Variants in PNLIPRP3 observed in about 807,000 individuals in gnomAD.
PNLIPRP3 encodes pancreatic lipase-related protein 3.
PNLIPRP3 carries 58 observed loss-of-function variants against 52.8 expected under a neutral mutation model. The ratio of observed to expected loss-of-function variants is 1.10; its 90% CI spans 0.89 to 1.37. The LOEUF is 1.37. PNLIPRP3 is among the 40% of genes most tolerant of loss of function. The probability of loss-of-function intolerance (pLI) is 0.00; values close to 1 mark genes in which losing one functional copy is unlikely to be tolerated. For missense variants in PNLIPRP3, 593 were observed against 561.6 expected, an observed-to-expected ratio of 1.06 and a Z score of -0.57; for synonymous variants, 192 against 185.0, an observed-to-expected ratio of 1.04 and a Z score of -0.31.
At chr10:116,439,160 T>C (rs1433179691) in intron 2 of PNLIPRP3, among the ~76,000 whole-genome samples, 1 of 152,212 alleles carries the variant, frequency 6.6e-6, no homozygotes. Context: ...CACTTTAAAA[T>C]GGTTAAAATG....
Position 116,443,119 on chromosome 10 carries a change from G to A in PNLIPRP3, c.269G>A (p.Arg90His), listed in dbSNP as rs570400848. The A allele has an allele frequency of 2.5e-5, 40 of 1,611,646 alleles. No individual in the cohort carries two copies. In the African/African-American group the frequency reaches 3.9e-4, roughly 16 times the overall value. The part of the protein sequence containing the change: ...ASYFGTDKIT[R>H]INIAGWKTDG... ...TATTTTGGAACAGACAAGATCACCCGTATCAACATAGCTGGATGGAAAACA... is the reference window on the plus strand; with the variant it reads ...TATTTTGGAACAGACAAGATCACCCATATCAACATAGCTGGATGGAAAACA... Residue 90 changes from arginine to histidine, a missense_variant, in exon 3 of 12, where the codon CGT becomes CAT. By Grantham distance (29) the Arg-to-His change is conservative. Coordinates refer to ENST00000369230, the MANE Select transcript of PNLIPRP3 (RefSeq NM_001011709.3).
At chr10:116,435,778 CT>C (rs1845765756) in intron 1 of PNLIPRP3, among the ~76,000 whole-genome samples, 1 of 152,144 alleles carries the variant, frequency 6.6e-6, no homozygotes. Flanking sequence ...TAGTTATTTG[CT>C]TTTTGCTATT....
intron 10 of PNLIPRP3, among the ~76,000 whole-genome samples, chr10:116,473,614 C>CG (rs1423359207): frequency 6.6e-6 from 1 of 152,008 alleles, no homozygotes; most frequent in Non-Finnish European, 1.5e-5. Flanking sequence ...TTCCCCTTCC[C>CG]GGGTTCAAGT....
rs936386608 is a variant in PNLIPRP3, at chr10:116,475,081, T to C, written c.1173-1571T>C. ...GGATAAAGAAAATGTGGTACTTATATACCATGGAATACTATGCAGCCATAA... is the reference window on the plus strand; with the variant it reads ...GGATAAAGAAAATGTGGTACTTATACACCATGGAATACTATGCAGCCATAA... On this transcript the variant is annotated intron_variant, in intron 10 of 11. Transcript: ENST00000369230. Among the ~76,000 whole-genome samples, 89 of 152,160 alleles carry C rather than the reference T, an allele frequency of 5.8e-4. 2 individuals are homozygous for C. The highest frequency in any genetic ancestry group is 3.8e-4 in the Non-Finnish European group (26 of 68,036).
At chr10:116,472,804 A>G (rs1228433974) in intron 10 of PNLIPRP3, among the ~76,000 whole-genome samples, 1 of 152,146 alleles carries the variant, frequency 6.6e-6, no homozygotes, top group African/African-American at 2.4e-5. Context: ...GCGAGGCTAC[A>G]CTGTTTGCAC....
intron 3 of PNLIPRP3, among the ~76,000 whole-genome samples, chr10:116,443,618 T>TTATA (rs201595033): frequency 2.1e-4 from 1 of 4,658 alleles, no homozygotes; most frequent in African/African-American, 2.5e-4. Context: ...TATATGTGTT[T>TTATA]TATATATATA....
chr10:116,477,126 T>G lies in PNLIPRP3; in HGVS notation c.1377T>G (p.Asn459Lys). ...GTAGCCAAGACATTATGGGACCTAA[T>G]ATTCTCCAGAACCTGAAACCATGCT... ...TFCSQDIMGP[N>K]ILQNLKPC The change falls in exon 12 of 12, where the codon AAT (asparagine) becomes AAG (lysine). Residue 459 changes from asparagine (N) to lysine (K), a missense_variant. Physicochemically the swap from Asn to Lys is moderately conservative, Grantham distance 94. Coordinates refer to ENST00000369230, the MANE Select transcript of PNLIPRP3 (RefSeq NM_001011709.3). 1 of 1,597,792 alleles carries G rather than the reference T, an allele frequency of 6.3e-7. No individual in the cohort carries two copies. The highest frequency in any genetic ancestry group is 8.6e-7 in the Non-Finnish European group (1 of 1,168,216).
chr10:116,471,170 T>C (rs566734223), intron 9 of PNLIPRP3, among the ~76,000 whole-genome samples: 1 of 152,320 alleles, frequency 6.6e-6, no homozygotes, highest in Non-Finnish European at 1.5e-5. Flanking sequence ...GAATAAAAGA[T>C]CTGTTTAGCT....
intron 11 of PNLIPRP3, 104 bp downstream of exon 11, chr10:116,476,923 AC>A: frequency 7.7e-7 from 1 of 1,307,070 alleles, no homozygotes; most frequent in Non-Finnish European, 1.0e-6. Flanking sequence ...AAATTTATAG[AC>A]TTTGAAATTT....
chr10:116,458,476 G>A (rs1323693763), intron 5 of PNLIPRP3, among the ~76,000 whole-genome samples: 1 of 142,304 alleles, frequency 7.0e-6, no homozygotes, highest in Non-Finnish European at 1.5e-5. Context: ...TAATCTGATT[G>A]CCTTGTCCTC....
chr10:116,462,620 A>G (rs1441795855), intron 7 of PNLIPRP3, among the ~76,000 whole-genome samples: 1 of 152,186 alleles, frequency 6.6e-6, no homozygotes, highest in African/African-American at 2.4e-5. Flanking sequence ...GGTGCAACAA[A>G]TAAGAATTAA....
chr10:116,445,558 T>TAAAA lies in PNLIPRP3; in HGVS notation c.456+1053_456+1056dup, dbSNP rs3032169. ...CAGATTCATCTTCATCTTCTCTTTA[T>TAAAA]AAAAAAAAAAAGCCAGCTGTAAGCT... On this transcript the variant is annotated intron_variant, in intron 4 of 11. Transcript: ENST00000369230. 5.3e-3 allele frequency among the ~76,000 whole-genome samples: 786 copies of TAAAA among 148,832 alleles called. 5 individuals carry two copies. The highest frequency in any genetic ancestry group is 0.018 in the Admixed American group (264 of 15,050).
chr10:116,469,395 CT>C, intron 9 of PNLIPRP3, 78 bp downstream of exon 9: 10 of 1,360,964 alleles, frequency 7.3e-6, no homozygotes, highest in South Asian at 3.1e-5. Flanking sequence ...TATTGAGTGT[CT>C]ACTAAATAAC....
intron 7 of PNLIPRP3, among the ~76,000 whole-genome samples, chr10:116,462,935 A>G (rs1026389891): frequency 6.6e-6 from 1 of 152,212 alleles, no homozygotes; most frequent in African/African-American, 2.4e-5. Context: ...GATGAGTTTT[A>G]AGACTTCAAG....
intron 4 of PNLIPRP3, among the ~76,000 whole-genome samples, chr10:116,451,489 A>T (rs1846036945): frequency 6.6e-6 from 1 of 152,160 alleles, no homozygotes; most frequent in Admixed American, 6.5e-5. Context: ...GTGGTCATCA[A>T]TTTGGAGGTG....
rs1320772739 is a variant in PNLIPRP3 at position 116,473,550 on chromosome 10, C to T, written c.1172+1671C>T. Among the ~76,000 whole-genome samples the T allele has an allele frequency of 3.3e-5, 5 of 151,890 alleles. No homozygotes were observed. The South Asian group carries it at 8.3e-4, about 25-fold the overall frequency. ...TTCTTTCTTTTTTTTGAGTTGGAGT[C>T]TCACTCTGTCACCCAGGCTGGAGTG... On this transcript the variant is annotated intron_variant, in intron 10 of 11. Transcript: ENST00000369230.
intron 9 of PNLIPRP3, among the ~76,000 whole-genome samples, chr10:116,471,399 A>G (rs1846370142): frequency 1.3e-5 from 2 of 152,210 alleles, no homozygotes; most frequent in African/African-American, 4.8e-5. Flanking sequence ...TATGGCAAAT[A>G]AAAACTTGGC....
chr10:116,442,239 C>T (rs1367098060), intron 2 of PNLIPRP3, among the ~76,000 whole-genome samples: 1 of 152,038 alleles, frequency 6.6e-6, no homozygotes, highest in East Asian at 1.9e-4. Flanking sequence ...GTTATTAAGG[C>T]AATCCAACAA....
intron 10 of PNLIPRP3, among the ~76,000 whole-genome samples, chr10:116,476,219 G>C (rs1053043328): frequency 6.6e-6 from 1 of 152,128 alleles, no homozygotes; most frequent in East Asian, 1.9e-4. Context: ...GGGCACGGGA[G>C]CACTCTGGTT....
Sources: gnomAD v4.1 joint callset for allele counts (sites outside exome capture counted in the v4.1 genomes callset) on GRCh38, gnomAD v4.1.1 for gene constraint, MANE v1.5 for transcripts, NCBI Gene and HGNC (gene_info 2026-07-23, HGNC 2026-07-21) for gene names.